ANO10: variants seen among roughly 807,000 people sequenced by gnomAD.
ANO10 encodes anoctamin-10.
Under a neutral mutation model 74.7 loss-of-function variants are expected in ANO10, and 77 were observed. That is an observed-to-expected ratio of 1.03 (90% CI 0.86 to 1.25). The LOEUF is 1.25. Among genes scored for constraint, ANO10 ranks in the 50% most tolerant of loss-of-function variants. ANO10 has a pLI of 0.00. For synonymous variants in ANO10, 279 were observed against 284.9 expected (o/e 0.98, Z 0.21); for missense variants, 721 against 778.1 (o/e 0.93, Z 0.87).
intron 1 of ANO10, among the ~76,000 whole-genome samples, chr3:43,654,710 A>G (rs1188474740): frequency 6.6e-6 from 1 of 152,194 alleles, no homozygotes; most frequent in East Asian, 1.9e-4. Context: ...AAGAGAAGAG[A>G]AGTGGTCATC....
chr3:43,422,267 C>A (rs903409082), intron 12 of ANO10, among the ~76,000 whole-genome samples: 1 of 152,114 alleles, frequency 6.6e-6, no homozygotes, highest in African/African-American at 2.4e-5. Context: ...CAGGTGCGTG[C>A]CACCATGCCC....
intron 12 of ANO10, among the ~76,000 whole-genome samples, chr3:43,431,984 T>A (rs1227781849): frequency 6.6e-6 from 1 of 152,140 alleles, no homozygotes; most frequent in Non-Finnish European, 1.5e-5. Context: ...GCCTTACTGA[T>A]TCTCTCATTT....
chr3:43,685,576 T>C (rs2084264731), intron 1 of ANO10, among the ~76,000 whole-genome samples: 1 of 152,212 alleles, frequency 6.6e-6, no homozygotes, highest in Admixed American at 6.5e-5. Context: ...CAGAGTATCT[T>C]AATTTTACAT....
At chr3:43,671,689 T>C (rs1032847362) in intron 1 of ANO10, among the ~76,000 whole-genome samples, 2 of 152,130 alleles carry the variant, frequency 1.3e-5, no homozygotes, top group South Asian at 4.1e-4. Context: ...CACACATATA[T>C]ACAAATGATG....
At chr3:43,633,006 C>T (rs188974717) in intron 1 of ANO10, among the ~76,000 whole-genome samples, 4 of 152,126 alleles carry the variant, frequency 2.6e-5, no homozygotes, top group Admixed American at 1.3e-4. Flanking sequence ...TTTCGCATCA[C>T]GTTTAAAATG....
At chr3:43,565,626 T>G in intron 8 of ANO10, 27 bp downstream of exon 8, 1 of 1,531,524 alleles carries the variant, frequency 6.5e-7, no homozygotes, top group South Asian at 1.2e-5. Flanking sequence ...CCTAAAAAAT[T>G]GGTATTTTTC....
At chr3:43,672,983 A>G (rs905079587) in intron 1 of ANO10, among the ~76,000 whole-genome samples, 1 of 152,224 alleles carries the variant, frequency 6.6e-6, no homozygotes, top group Non-Finnish European at 1.5e-5. Context: ...AGTCTGCTCT[A>G]GCCATGTAGG....
chr3:43,513,919 TTAA>T (rs975833354), intron 11 of ANO10, among the ~76,000 whole-genome samples: 8 of 150,722 alleles, frequency 5.3e-5, no homozygotes, highest in Admixed American at 4.0e-4. Flanking sequence ...ATATTTAATA[TTAA>T]TATTAAATAT....
At chr3:43,600,865 T>C (rs1398501779) in intron 2 of ANO10, among the ~76,000 whole-genome samples, 2 of 152,090 alleles carry the variant, frequency 1.3e-5, no homozygotes. Context: ...GCTCTAGGTA[T>C]AAAAGTGCAC....
intron 11 of ANO10, among the ~76,000 whole-genome samples, chr3:43,506,069 C>T (rs1306572940): frequency 6.6e-6 from 1 of 152,084 alleles, no homozygotes; most frequent in Non-Finnish European, 1.5e-5. Flanking sequence ...GGAATAAGTA[C>T]ACTTTAATGC....
chr3:43,469,385 C>T (rs2075763996), intron 11 of ANO10, among the ~76,000 whole-genome samples: 1 of 152,132 alleles, frequency 6.6e-6, no homozygotes, highest in South Asian at 2.1e-4. Flanking sequence ...CGGACAATTC[C>T]TTCAGGTTTA....
chr3:43,530,523 T>C (rs1414410384), intron 11 of ANO10, among the ~76,000 whole-genome samples: 3 of 151,518 alleles, frequency 2.0e-5, no homozygotes, highest in Non-Finnish European at 4.4e-5. Flanking sequence ...GTAGTCTCCT[T>C]ATCCGCAGTT....
chr3:43,551,328 G>A (rs1307364123), intron 10 of ANO10: 2 of 334,660 alleles, frequency 6.0e-6, no homozygotes, highest in African/African-American at 4.4e-5. Flanking sequence ...ATATGACAGT[G>A]CCTGGCTTCC....
chr3:43,401,158 T>C (rs2092474034), intron 12 of ANO10, among the ~76,000 whole-genome samples: 1 of 152,216 alleles, frequency 6.6e-6, no homozygotes. Context: ...TTGTTTTGTT[T>C]GATTTTTATT....
intron 12 of ANO10, among the ~76,000 whole-genome samples, chr3:43,416,403 A>C (rs530525796): frequency 1.8e-4 from 28 of 152,328 alleles, no homozygotes; most frequent in African/African-American, 6.0e-4. Flanking sequence ...TGCCTTGTAG[A>C]GTCTATCTAA....
intron 3 of ANO10, among the ~76,000 whole-genome samples, chr3:43,600,042 A>G (rs1278089652): frequency 1.3e-5 from 2 of 152,276 alleles, no homozygotes; most frequent in Admixed American, 1.3e-4. Context: ...TATAAGAATT[A>G]GAATAGAATA....
At chr3:43,394,773 T>C (rs2092346043) in intron 12 of ANO10, among the ~76,000 whole-genome samples, 1 of 152,160 alleles carries the variant, frequency 6.6e-6, no homozygotes, top group Non-Finnish European at 1.5e-5. Context: ...TGATCTCTAA[T>C]TCTCACAGTG....
At chr3:43,651,300 C>T (rs543925522) in intron 1 of ANO10, among the ~76,000 whole-genome samples, 38 of 152,234 alleles carry the variant, frequency 2.5e-4, no homozygotes, top group African/African-American at 8.7e-4. Flanking sequence ...AAAACCTACA[C>T]AAAATGATTA....
intron 12 of ANO10, among the ~76,000 whole-genome samples, chr3:43,369,390 G>A (rs919626985): frequency 6.6e-6 from 1 of 152,250 alleles, no homozygotes; most frequent in Non-Finnish European, 1.5e-5. Context: ...AGAAAGAATG[G>A]CCAGGGACCC....
Sources: gnomAD v4.1 joint callset for allele counts (sites outside exome capture counted in the v4.1 genomes callset) on GRCh38, gnomAD v4.1.1 for gene constraint, MANE v1.5 for transcripts, NCBI Gene and HGNC (gene_info 2026-07-23, HGNC 2026-07-21) for gene names.